SOX5: variants seen among roughly 807,000 people sequenced by gnomAD.
SOX5 encodes the protein SRY-box transcription factor 5.
SOX5 carries 9 observed loss-of-function variants against 92.0 expected under a neutral mutation model. The ratio of observed to expected loss-of-function variants is 0.10; its 90% confidence interval spans 0.06 to 0.17. The LOEUF is 0.17. Among genes scored for constraint, SOX5 ranks in the 10% least tolerant of loss-of-function variants. The probability of loss-of-function intolerance (pLI) is 1.00; values close to 1 mark genes in which losing one functional copy is unlikely to be tolerated. For missense variants in SOX5, 642 were observed against 944.5 expected (o/e 0.68, Z 4.20); for synonymous variants, 344 against 336.3 (o/e 1.02, Z -0.25).
chr12:23,815,070 G>C (rs192524467), intron 3 of SOX5, among the ~76,000 whole-genome samples: 1 of 152,144 alleles, frequency 6.6e-6, no homozygotes, highest in African/African-American at 2.4e-5. Flanking sequence ...AATCTTTATG[G>C]AAGGGCCAAG....
Position 24,355,282 on chromosome 12 carries a change from C to CAATT in SOX5, c.-174+13280_-174+13281insAATT, listed in dbSNP as rs1221012836. 7.2e-3 allele frequency among the ~76,000 whole-genome samples: 516 copies of CAATT among 71,930 alleles called. 11 individuals are homozygous for CAATT. Among genetic ancestry groups the CAATT allele is most frequent in the Middle Eastern group, 0.017 (2 of 120 alleles). 47.2% of individuals were successfully genotyped at this position (71,930 alleles called of 152,430 possible). On this transcript the variant is annotated intron_variant, in intron 2 of 4. Transcript: ENST00000446891. Reference sequence around the variant, plus strand: ...TTAGCAGGTGTGGTGAGGGGTGCATCTTTTTTTTTTTTTTTTTTTTTTTTT... The same window carrying CAATT: ...TTAGCAGGTGTGGTGAGGGGTGCATCAATTTTTTTTTTTTTTTTTTTTTTTTTTT...
At chr12:24,060,970 T>C (rs1939571534) in intron 4 of SOX5, among the ~76,000 whole-genome samples, 1 of 152,160 alleles carries the variant, frequency 6.6e-6, no homozygotes, top group Admixed American at 6.5e-5. Flanking sequence ...CCCCTTCCTT[T>C]TTATGATCAA....
chr12:23,953,705 T>C (rs1410259027), upstream of SOX5, among the ~76,000 whole-genome samples: 2 of 152,026 alleles, frequency 1.3e-5, no homozygotes, highest in Non-Finnish European at 2.9e-5. Flanking sequence ...GAACAAAACA[T>C]AGTGCTAAGA....
At chr12:24,167,437 G>A (rs775413427) in intron 4 of SOX5, among the ~76,000 whole-genome samples, 2 of 152,172 alleles carry the variant, frequency 1.3e-5, no homozygotes, top group Non-Finnish European at 2.9e-5. Context: ...GAAGAGATAA[G>A]CTGAATTCAG....
Position 23,826,724 on chromosome 12 carries a change from A to G in SOX5, c.481+19259T>C, listed in dbSNP as rs75521165. Among the ~76,000 whole-genome samples the G allele has an allele frequency of 8.1e-3, 1,238 of 152,152 alleles. 9 individuals carry two copies. Among genetic ancestry groups the G allele is most frequent in the Middle Eastern group, 0.027 (8 of 294 alleles). On this transcript the variant is annotated intron_variant, in intron 3 of 14. Transcript: ENST00000451604. ...TAAAAAAAAAAAGTAGAGAAGGAAA[A>G]CAGAACTCCAAATGGGAGAGGGTGC... is the stretch of plus-strand genomic sequence containing the variant.
At chr12:23,826,023 TTC>T (rs2096226116) in intron 3 of SOX5, among the ~76,000 whole-genome samples, 1 of 145,386 alleles carries the variant, frequency 6.9e-6, no homozygotes, top group East Asian at 2.7e-4. Context: ...ACTGTTTCAT[TTC>T]TCTTTTTTTT....
At chr12:23,981,932 A>T (rs1003389251) in intron 4 of SOX5, among the ~76,000 whole-genome samples, 24 of 152,160 alleles carry the variant, frequency 1.6e-4, no homozygotes, top group African/African-American at 5.8e-4. Flanking sequence ...TGTCATTGTA[A>T]TATTTATGGC....
intron 1 of SOX5, among the ~76,000 whole-genome samples, chr12:24,494,583 A>G (rs567848739): frequency 4.0e-4 from 61 of 152,296 alleles, no homozygotes; most frequent in African/African-American, 1.4e-3. Flanking sequence ...AACTTTCACA[A>G]CTTCAACCCC....
At chr12:23,641,906 G>C (rs536273487) in intron 7 of SOX5, among the ~76,000 whole-genome samples, 2 of 151,948 alleles carry the variant, frequency 1.3e-5, no homozygotes, top group African/African-American at 4.8e-5. Flanking sequence ...CAGTTAATAC[G>C]CCATTCAAAA....
At chr12:23,898,067 C>G (rs1308975283) in intron 1 of SOX5, among the ~76,000 whole-genome samples, 1 of 152,132 alleles carries the variant, frequency 6.6e-6, no homozygotes, top group African/African-American at 2.4e-5. Context: ...CATAATAACC[C>G]ATGACACTAG....
At chr12:23,830,985 A>G (rs1362964429) in intron 3 of SOX5, among the ~76,000 whole-genome samples, 1 of 152,138 alleles carries the variant, frequency 6.6e-6, no homozygotes, top group Non-Finnish European at 1.5e-5. Flanking sequence ...TCTTTGCTAC[A>G]GAATAATTAC....
At chr12:23,556,249 T>TAATC (rs537997751) in intron 11 of SOX5, among the ~76,000 whole-genome samples, 273 of 152,330 alleles carry the variant, frequency 1.8e-3, no homozygotes, top group African/African-American at 6.1e-3. Context: ...GATTTTCTAA[T>TAATC]AATCAGTTGC....
At chr12:23,814,808 GA>G (rs1429401630) in intron 3 of SOX5, among the ~76,000 whole-genome samples, 1 of 152,038 alleles carries the variant, frequency 6.6e-6, no homozygotes, top group Non-Finnish European at 1.5e-5. Context: ...GGAAAAGGTA[GA>G]AAAAATGTAA....
chr12:23,609,834 C>G (rs959935442), intron 8 of SOX5, among the ~76,000 whole-genome samples: 1 of 152,192 alleles, frequency 6.6e-6, no homozygotes, highest in African/African-American at 2.4e-5. Context: ...AGTTCTCCAC[C>G]ACCACCAACA....
At chr12:24,206,409 G>T (rs1000081224) in intron 4 of SOX5, among the ~76,000 whole-genome samples, 1 of 152,196 alleles carries the variant, frequency 6.6e-6, no homozygotes, top group East Asian at 1.9e-4. Context: ...AATATTGGGA[G>T]TTAGTCCAGA....
upstream of SOX5, among the ~76,000 whole-genome samples, chr12:23,955,134 T>G (rs995005658): frequency 6.6e-6 from 1 of 152,100 alleles, no homozygotes; most frequent in Non-Finnish European, 1.5e-5. Flanking sequence ...CTGCATAGTT[T>G]TTAAAGGCAA....
chr12:24,436,596 G>T (rs1048114058), intron 1 of SOX5, among the ~76,000 whole-genome samples: 2 of 152,352 alleles, frequency 1.3e-5, no homozygotes, highest in South Asian at 4.1e-4. Flanking sequence ...ACATAAAAGT[G>T]CAAGGGGAAG....
intron 4 of SOX5, among the ~76,000 whole-genome samples, chr12:24,118,198 G>A (rs2138275494): frequency 6.6e-6 from 1 of 152,160 alleles, no homozygotes; most frequent in East Asian, 1.9e-4. Flanking sequence ...ACTGCATGGT[G>A]ACCAGTTAGT....
At chr12:24,266,713 C>A (rs751114089) in intron 3 of SOX5, among the ~76,000 whole-genome samples, 1 of 152,102 alleles carries the variant, frequency 6.6e-6, no homozygotes. Context: ...TAGGAAAATG[C>A]CAATAGTTGA....
Sources: allele counts gnomAD v4.1 joint callset (sites outside exome capture counted in the v4.1 genomes callset), GRCh38; gene constraint gnomAD v4.1.1; transcripts MANE v1.5; gene names NCBI Gene and HGNC (gene_info 2026-07-23, HGNC 2026-07-21).